Variants in SPHKAP observed in about 807,000 individuals in gnomAD.
The protein encoded by SPHKAP is SPHK1 interactor, AKAP domain containing.
SPHKAP carries 67 observed loss-of-function variants against 137.5 expected under a neutral mutation model. That is an observed-to-expected ratio of 0.49 (90% CI 0.40 to 0.60). The LOEUF (loss-of-function observed/expected upper bound fraction) is 0.60. Among genes scored for constraint, SPHKAP ranks in the 20% least tolerant of loss-of-function variants. SPHKAP has a pLI of 0.00. For synonymous variants in SPHKAP, 813 were observed against 785.3 expected, an observed-to-expected ratio of 1.04 and a Z score of -0.59; for missense variants, 2,097 against 2,069.3, an observed-to-expected ratio of 1.01 and a Z score of -0.26.
intron 1 of SPHKAP, among the ~76,000 whole-genome samples, chr2:228,150,907 G>A (rs7560497): frequency 0.022 from 3,342 of 151,744 alleles, 113 homozygotes; most frequent in African/African-American, 0.077. Flanking sequence ...GCACCACCAT[G>A]CATAGATAGT....
At chr2:228,062,475 C>T (rs796524107) in intron 3 of SPHKAP, among the ~76,000 whole-genome samples, 13 of 152,250 alleles carry the variant, frequency 8.5e-5, no homozygotes, top group African/African-American at 2.4e-4. Flanking sequence ...TTCTCCCGGT[C>T]TCCACCATTT....
chr2:228,016,877 T>C lies in SPHKAP; in HGVS notation c.3977A>G (p.Asp1326Gly), dbSNP rs1208084919. Reference protein sequence around the residue: ...ALMRKNKIIVDDAEEADTEPV... With the variant: ...ALMRKNKIIVGDAEEADTEPV... ...CTCAGTGTCAGCTTCCTCTGCATCA[T>C]CCACAATGATTTTGTTCTTGCGCAT... The change falls in exon 7 of 12, where the codon GAT becomes GGT. Residue 1326 changes from aspartate to glycine, a missense_variant. Asp to Gly is a moderately conservative substitution (Grantham distance 94, BLOSUM62 -1). Coordinates refer to ENST00000392056, the MANE Select transcript of SPHKAP (RefSeq NM_001142644.2). 1.2e-6 allele frequency: 2 copies of C among 1,613,968 alleles called. No homozygotes were observed. The highest frequency in any genetic ancestry group is 2.7e-5 in the African/African-American group (2 of 74,888).
At chr2:228,074,849 C>G (rs1453442962) in intron 3 of SPHKAP, among the ~76,000 whole-genome samples, 1 of 152,060 alleles carries the variant, frequency 6.6e-6, no homozygotes, top group Non-Finnish European at 1.5e-5. Context: ...TCTCTCCTTT[C>G]TCTCCTGTTT....
chr2:228,025,870 T>G, intron 4 of SPHKAP: 1 of 984,840 alleles, frequency 1.0e-6, no homozygotes, highest in Non-Finnish European at 1.2e-6. Context: ...CATAAAACAT[T>G]TTTTGTTTTA....
rs1289660642 is a variant in SPHKAP at position 228,045,732 on chromosome 2, AAAACTT to A, written c.247-18195_247-18190del. On this transcript the variant is annotated intron_variant, in intron 3 of 11. Coordinates refer to ENST00000392056, the MANE Select transcript of SPHKAP (RefSeq NM_001142644.2). ...CCTGCACATTGTGCACACGTACCCTAAAACTTAAAGTATAATAATAATAAAAAAAAG... is the reference window on the plus strand; with the variant it reads ...CCTGCACATTGTGCACACGTACCCTAAAAGTATAATAATAATAAAAAAAAG... Among the ~76,000 whole-genome samples the A allele has an allele frequency of 3.3e-5, 5 of 152,202 alleles. No individual in the cohort carries two copies. The South Asian group carries it at 8.3e-4, about 25-fold the overall frequency.
chr2:228,095,661 G>T (rs1164193426), intron 3 of SPHKAP, among the ~76,000 whole-genome samples: 1 of 151,966 alleles, frequency 6.6e-6, no homozygotes, highest in Non-Finnish European at 1.5e-5. Flanking sequence ...TTTTAATTTG[G>T]TAGTAAAAGA....
chr2:228,057,704 T>C (rs943754383), intron 3 of SPHKAP, among the ~76,000 whole-genome samples: 2 of 151,962 alleles, frequency 1.3e-5, no homozygotes, highest in East Asian at 1.9e-4. Context: ...ATTTAAGAAA[T>C]TGAAAGAAAG....
intron 1 of SPHKAP, among the ~76,000 whole-genome samples, chr2:228,143,949 C>T (rs1423747592): frequency 6.6e-6 from 1 of 152,148 alleles, no homozygotes; most frequent in Admixed American, 6.5e-5. Context: ...TGCCTTCTGC[C>T]TCTATCGAAT....
At position 228,017,859 on chromosome 2, in the gene SPHKAP, G is replaced by C; in HGVS notation, c.2995C>G (p.Arg999Gly). 1 of 1,613,924 alleles carries C rather than the reference G, an allele frequency of 6.2e-7. No homozygotes were observed. Among genetic ancestry groups the C allele is most frequent in the Non-Finnish European group, 8.5e-7 (1 of 1,179,954 alleles). The change falls in exon 7 of 12, where the codon CGG becomes GGG. Residue 999 changes from arginine to glycine, a missense_variant. Physicochemically the swap from Arg to Gly is moderately radical, Grantham distance 125. Transcript: ENST00000392056. The stretch of plus-strand genomic sequence containing the variant: ...GTCTTCCTCTTGATCTCACTGAGCC[G>C]GGGAGGCTTGTGTTTCCTCACAGCG... The part of the protein sequence containing the change: ...GTAVRKHKPP[R>G]LSEIKRKTDE...
intron 3 of SPHKAP, among the ~76,000 whole-genome samples, chr2:228,032,357 G>C (rs1356189899): frequency 6.6e-6 from 1 of 152,154 alleles, no homozygotes; most frequent in African/African-American, 2.4e-5. Flanking sequence ...AACGAACAAA[G>C]CCTCCAAGAA....
intron 1 of SPHKAP, among the ~76,000 whole-genome samples, chr2:228,151,016 C>T (rs1699912166): frequency 6.6e-6 from 1 of 151,740 alleles, no homozygotes; most frequent in South Asian, 2.1e-4. Context: ...ATGTGCCATG[C>T]TGGTGTGCTG....
intron 3 of SPHKAP, among the ~76,000 whole-genome samples, chr2:228,076,561 T>G (rs923336306): frequency 8.5e-5 from 13 of 152,282 alleles, no homozygotes; most frequent in Admixed American, 2.6e-4. Flanking sequence ...GCAAAGAGAC[T>G]GGGGACATTT....
At position 228,016,861 on chromosome 2, in the gene SPHKAP, A is replaced by C. The variant is rs1455955253; in HGVS notation, c.3993T>G (p.Ala1331=). The change falls in exon 7 of 12, where the codon GCT becomes GCG. Residue 1331 remains alanine, a synonymous_variant. Transcript: ENST00000392056. ...AGCCACCAGAAACAGGCTCAGTGTC[A>C]GCTTCCTCTGCATCATCCACAATGA... is the stretch of plus-strand genomic sequence containing the variant. ...NKIIVDDAEE[A]DTEPVSGGSP... is the part of the protein sequence containing the mutation. The C allele has an allele frequency of 1.9e-6, 3 of 1,613,998 alleles. No homozygotes were observed. Among genetic ancestry groups the C allele is most frequent in the Admixed American group, 3.3e-5 (2 of 60,002 alleles).
chr2:228,111,610 G>T (rs1698518728), intron 2 of SPHKAP, among the ~76,000 whole-genome samples: 1 of 152,082 alleles, frequency 6.6e-6, no homozygotes, highest in African/African-American at 2.4e-5. Context: ...TGCATGCTTA[G>T]AATATGTTGA....
Position 228,017,258 on chromosome 2 carries a change from A to G in SPHKAP, c.3596T>C (p.Leu1199Pro), listed in dbSNP as rs757998962. The G allele has an allele frequency of 5.0e-6, 8 of 1,613,970 alleles. No homozygotes were observed. In the African/African-American group the frequency reaches 5.3e-5, roughly 11 times the overall value. Residue 1199 changes from leucine (L) to proline (P), a missense_variant, in exon 7 of 12, where the codon CTG becomes CCG. Transcript: ENST00000392056. ...TCTGCTGTCTCTTTCGATGTCCCTC[A>G]GCATGTACCTGTAGAACTCCTCAGT... ...SITEEFYRYM[L>P]RDIERDSRES...
chr2:228,170,011 A>G (rs937154347), intron 1 of SPHKAP, among the ~76,000 whole-genome samples: 3 of 152,034 alleles, frequency 2.0e-5, no homozygotes, highest in Admixed American at 2.0e-4. Flanking sequence ...AACATTAATG[A>G]GAGTCTGGAA....
chr2:228,097,186 G>A (rs1698013263), intron 3 of SPHKAP, among the ~76,000 whole-genome samples: 1 of 152,102 alleles, frequency 6.6e-6, no homozygotes, highest in Non-Finnish European at 1.5e-5. Context: ...CCTCTCAGAG[G>A]ATAATTGCTA....
At chr2:228,157,947 G>T (rs1480044849) in intron 1 of SPHKAP, among the ~76,000 whole-genome samples, 1 of 152,216 alleles carries the variant, frequency 6.6e-6, no homozygotes, top group African/African-American at 2.4e-5. Flanking sequence ...TTAAGCCATG[G>T]TTATTAGCCT....
At chr2:228,051,385 G>T (rs932376567) in intron 3 of SPHKAP, among the ~76,000 whole-genome samples, 1 of 152,134 alleles carries the variant, frequency 6.6e-6, no homozygotes, top group Admixed American at 6.6e-5. Flanking sequence ...TGCATGACTT[G>T]CTTTGGCTAA....
Sources: gnomAD v4.1 joint callset for allele counts (sites outside exome capture counted in the v4.1 genomes callset) on GRCh38, gnomAD v4.1.1 for gene constraint, MANE v1.5 for transcripts, NCBI Gene and HGNC (gene_info 2026-07-23, HGNC 2026-07-21) for gene names.